Variants in GBE1 observed in about 807,000 individuals in gnomAD.
GBE1 encodes 1,4-alpha-glucan branching enzyme 1, also known as 1,4-alpha-glucan-branching enzyme.
In GBE1, 70 loss-of-function variants were observed where a neutral mutation model predicts 88.8. That is an observed-to-expected ratio of 0.79 (90% CI 0.65 to 0.96). The LOEUF (loss-of-function observed/expected upper bound fraction) is 0.96. Ranked by LOEUF, GBE1 falls within the 40% of genes least tolerant of loss-of-function variation. The pLI is 0.00. For synonymous variants in GBE1, 284 were observed against 300.1 expected (o/e 0.95, Z 0.56); for missense variants, 872 against 871.0 (o/e 1.00, Z -0.01).
chr3:81,613,972 A>C (rs553078587), intron 7 of GBE1, among the ~76,000 whole-genome samples: 1 of 151,534 alleles, frequency 6.6e-6, no homozygotes, highest in East Asian at 1.9e-4. Context: ...TACTGATAGC[A>C]TTCATAAACT....
At chr3:81,503,932 T>C (rs533795309) in intron 14 of GBE1, among the ~76,000 whole-genome samples, 1 of 152,232 alleles carries the variant, frequency 6.6e-6, no homozygotes, top group East Asian at 1.9e-4. Flanking sequence ...CTGCTTTTGG[T>C]GAGGGCCTTA....
intron 7 of GBE1, chr3:81,612,626 C>T (rs1053389989): frequency 3.4e-5 from 20 of 593,364 alleles, no homozygotes; most frequent in African/African-American, 1.3e-4. Context: ...AAGTGGTTGG[C>T]GGAGTTTGTT....
intron 2 of GBE1, among the ~76,000 whole-genome samples, chr3:81,703,248 A>G (rs1705726161): frequency 6.6e-6 from 1 of 152,070 alleles, no homozygotes; most frequent in South Asian, 2.1e-4. Context: ...AGAAAAAATT[A>G]TTAATAACAA....
At chr3:81,546,277 A>G (rs1027972361) in intron 12 of GBE1, among the ~76,000 whole-genome samples, 2 of 151,926 alleles carry the variant, frequency 1.3e-5, no homozygotes, top group Non-Finnish European at 2.9e-5. Context: ...CACTTTAAAT[A>G]CACACACCTG....
intron 3 of GBE1, among the ~76,000 whole-genome samples, chr3:81,665,884 A>ATG: frequency 6.6e-6 from 1 of 152,310 alleles, no homozygotes; most frequent in East Asian, 1.9e-4. Flanking sequence ...TGATTTTAAT[A>ATG]CCTCAAGAAA....
intron 14 of GBE1, among the ~76,000 whole-genome samples, chr3:81,530,096 C>A (rs1702993118): frequency 6.6e-6 from 1 of 151,852 alleles, no homozygotes; most frequent in African/African-American, 2.4e-5. Context: ...ATCAATTCTG[C>A]TCTTGAGAAA....
At chr3:81,578,620 T>C (rs1391457410) in intron 11 of GBE1, among the ~76,000 whole-genome samples, 1 of 151,884 alleles carries the variant, frequency 6.6e-6, no homozygotes, top group African/African-American at 2.4e-5. Context: ...AGAACATTTA[T>C]TTAAGTGTAA....
rs752008495 is a variant in GBE1, at chr3:81,722,913, TATAC to T, written c.144-17304_144-17301del. Among the ~76,000 whole-genome samples, 115 of 144,616 alleles carry T rather than the reference TATAC, an allele frequency of 8.0e-4. 1 individual carries two copies. Among genetic ancestry groups the T allele is most frequent in the Middle Eastern group, 3.6e-3 (1 of 274 alleles). 94.9% of individuals were successfully genotyped at this position (144,616 alleles called of 152,430 possible). A position where few individuals can be genotyped will look rare whatever the true frequency, so the allele number is the denominator to read the frequency against. On this transcript the variant is annotated intron_variant, in intron 1 of 15. Transcript: ENST00000429644. ...GTGTGTGTGTATATATATATATATA[TATAC>T]ACACAAGTAAATATATATGTACTTA...
rs779975928 is a variant in GBE1, at chr3:81,649,839, A to C, written c.512T>G (p.Val171Gly). 1.2e-6 allele frequency: 2 copies of C among 1,611,612 alleles called. No homozygotes were observed. The highest frequency in any genetic ancestry group is 2.7e-5 in the African/African-American group (2 of 74,848). The change falls in exon 4 of 16, where the codon GTG becomes GGG. Residue 171 changes from valine (V) to glycine (G), a missense_variant. Physicochemically the swap from Val to Gly is moderately radical, Grantham distance 109 (BLOSUM62 -3). Transcript: ENST00000429644. ...ATCCCAGTGTATCCAATCATAATTC[A>C]CATTATCACCTTCACGAACCACATA... The part of the protein sequence containing the change: ...AKYVVREGDN[V>G]NYDWIHWDPE...
chr3:81,591,720 T>C (rs1335405404), intron 8 of GBE1, among the ~76,000 whole-genome samples: 3 of 152,172 alleles, frequency 2.0e-5, no homozygotes, highest in African/African-American at 7.2e-5. Flanking sequence ...TTGGTTATAG[T>C]ATATTTCACT....
intron 6 of GBE1, among the ~76,000 whole-genome samples, chr3:81,644,372 A>C (rs1704736651): frequency 1.3e-5 from 2 of 152,208 alleles, no homozygotes; most frequent in African/African-American, 4.8e-5. Flanking sequence ...AAAAAAAGTA[A>C]GAAGCAAGGC....
In GBE1 at chr3:81,594,008, T is replaced by A; in HGVS notation, c.1008A>T (p.Arg336Ser). The A allele has an allele frequency of 6.6e-7, 1 of 1,519,130 alleles. No homozygotes were observed. Among genetic ancestry groups the A allele is most frequent in the African/African-American group, 1.4e-5 (1 of 72,958 alleles). 94.1% of individuals were successfully genotyped at this position (1,519,130 alleles called of 1,614,324 possible). A position where few individuals can be genotyped will look rare whatever the true frequency, so the allele number is the denominator to read the frequency against. ...ACCATCTTATGTTTGACAGAAGGAA[T>A]CTTAAAATTTCCCAGCTAAAATATA... ...LFAYSSWEIL[R>S]FLLSNIRWWL... Residue 336 changes from arginine (R) to serine (S), a missense_variant, in exon 8 of 16, where the codon AGA (arginine) becomes AGT (serine). Transcript: ENST00000429644.
chr3:81,673,301 T>G (rs543704535), intron 2 of GBE1, among the ~76,000 whole-genome samples: 1 of 151,914 alleles, frequency 6.6e-6, no homozygotes, highest in African/African-American at 2.4e-5. Flanking sequence ...GTATAGTTCG[T>G]TAGTTCATTC....
intron 6 of GBE1, among the ~76,000 whole-genome samples, chr3:81,645,509 C>T (rs1413391732): frequency 6.6e-6 from 1 of 152,064 alleles, no homozygotes; most frequent in Non-Finnish European, 1.5e-5. Context: ...AGAGGCAGAC[C>T]GCATACTTGG....
intron 9 of GBE1, among the ~76,000 whole-genome samples, chr3:81,590,598 G>A (rs916366183): frequency 1.3e-5 from 2 of 151,972 alleles, no homozygotes; most frequent in Non-Finnish European, 2.9e-5. Flanking sequence ...ACATAAACAA[G>A]AAAGGTAATC....
chr3:81,535,838 A>G (rs1029131702), intron 13 of GBE1, among the ~76,000 whole-genome samples: 2 of 152,092 alleles, frequency 1.3e-5, no homozygotes, highest in African/African-American at 4.8e-5. Flanking sequence ...AGTCAATTAC[A>G]ATACTTTTTT....
In GBE1 at chr3:81,535,195, T is replaced by C; in HGVS notation, c.1934A>G (p.Lys645Arg). The C allele has an allele frequency of 3.7e-6, 6 of 1,609,800 alleles. No homozygotes were observed. Among genetic ancestry groups the C allele is most frequent in the Non-Finnish European group, 5.1e-6 (6 of 1,177,990 alleles). Residue 645 changes from lysine (K) to arginine (R), a missense_variant and splice_region_variant, in exon 14 of 16, where the codon AAA becomes AGA. Physicochemically the swap from Lys to Arg is conservative, Grantham distance 26. Transcript: ENST00000429644. Reference protein sequence around the residue: ...DYRVGTALPGKFKIVLDSDAA... With the variant: ...DYRVGTALPGRFKIVLDSDAA... Reference sequence around the variant, plus strand: ...TATTCACTGGTAACAAAAAGGATATTTCCCTGGCAATGCTGTTCCAACTCG... The same window carrying C: ...TATTCACTGGTAACAAAAAGGATATCTCCCTGGCAATGCTGTTCCAACTCG...
chr3:81,646,128 G>A (rs1476207345), intron 6 of GBE1, among the ~76,000 whole-genome samples: 2 of 152,120 alleles, frequency 1.3e-5, no homozygotes, highest in Admixed American at 6.5e-5. Flanking sequence ...TAAAACGTGG[G>A]CTCCAAATGA....
chr3:81,659,502 A>AT (rs35138103), intron 3 of GBE1, among the ~76,000 whole-genome samples: 6,153 of 127,012 alleles, frequency 0.048, 287 homozygotes, highest in African/African-American at 0.12. Flanking sequence ...CGCCCGGCTA[A>AT]TTTTTTTTTT....
Sources: gnomAD v4.1 joint callset for allele counts (sites outside exome capture counted in the v4.1 genomes callset) on GRCh38, gnomAD v4.1.1 for gene constraint, MANE v1.5 for transcripts, NCBI Gene and HGNC (gene_info 2026-07-23, HGNC 2026-07-21) for gene names.